Variants in ZNF423 observed in about 807,000 individuals in gnomAD.
ZNF423 encodes Ebf-associated zinc finger protein.
In ZNF423, 12 loss-of-function variants were observed where a neutral mutation model predicts 95.8. The observed-to-expected ratio is 0.13, with a 90% confidence interval of 0.08 to 0.20. The LOEUF is 0.20. Ranked by LOEUF, ZNF423 falls within the 10% of genes least tolerant of loss-of-function variation. The pLI, the probability that ZNF423 is intolerant of heterozygous loss-of-function variation, is 1.00. For synonymous variants in ZNF423, 749 were observed against 711.9 expected, an observed-to-expected ratio of 1.05 and a Z score of -0.83; for missense variants, 1,316 against 1,737.1, an observed-to-expected ratio of 0.76 and a Z score of 4.31.
At chr16:49,685,575 C>T (rs780238890) in intron 3 of ZNF423, among the ~76,000 whole-genome samples, 1 of 152,166 alleles carries the variant, frequency 6.6e-6, no homozygotes, top group Non-Finnish European at 1.5e-5. Context: ...CTGTTCACCT[C>T]GATGCCCAAG....
intron 2 of ZNF423, among the ~76,000 whole-genome samples, chr16:49,786,478 A>G (rs2034316643): frequency 6.6e-6 from 1 of 152,226 alleles, no homozygotes; most frequent in Admixed American, 6.5e-5. Flanking sequence ...GGGCTGCTCC[A>G]TGCCTTACAG....
At chr16:49,856,875 G>C (rs957290129), upstream of ZNF423, among the ~76,000 whole-genome samples, 1 of 147,312 alleles carries the variant, frequency 6.8e-6, no homozygotes, top group Admixed American at 6.7e-5. Context: ...GGCTCGGAGA[G>C]GGGGGAGGCG....
At chr16:49,651,230 T>G (rs867659821) in intron 3 of ZNF423, among the ~76,000 whole-genome samples, 2 of 151,380 alleles carry the variant, frequency 1.3e-5, no homozygotes, top group Middle Eastern at 6.8e-3. Context: ...CTCTCTATGT[T>G]GCACAGGCTG....
intron 5 of ZNF423, among the ~76,000 whole-genome samples, chr16:49,579,737 T>G (rs1597131326): frequency 6.6e-6 from 1 of 152,020 alleles, no homozygotes. Context: ...CCATAAAGGG[T>G]TCCAAACAGT....
chr16:49,658,904 A>G (rs1344048768), intron 3 of ZNF423, among the ~76,000 whole-genome samples: 1 of 151,638 alleles, frequency 6.6e-6, no homozygotes, highest in Non-Finnish European at 1.5e-5. Context: ...AGTGGCCACC[A>G]CCTCCTCCCA....
intron 1 of ZNF423, among the ~76,000 whole-genome samples, chr16:49,844,629 CTCA>C (rs1359987041): frequency 2.6e-5 from 4 of 152,228 alleles, no homozygotes; most frequent in Non-Finnish European, 5.9e-5. Context: ...AATCCATTTA[CTCA>C]TCGAGTCATT....
chr16:49,611,860 A>C (rs753682209), intron 5 of ZNF423, among the ~76,000 whole-genome samples: 4 of 151,978 alleles, frequency 2.6e-5, no homozygotes, highest in African/African-American at 9.7e-5. Context: ...ACTATGAAAA[A>C]CTCTACATAC....
intron 2 of ZNF423, among the ~76,000 whole-genome samples, chr16:49,783,313 G>C (rs1462073869): frequency 6.6e-6 from 1 of 151,284 alleles, no homozygotes; most frequent in Non-Finnish European, 1.5e-5. Flanking sequence ...AGGCTGGGAT[G>C]GGCAGGAAAG....
intron 5 of ZNF423, among the ~76,000 whole-genome samples, chr16:49,620,308 A>C (rs1972025836): frequency 6.6e-6 from 1 of 152,130 alleles, no homozygotes; most frequent in South Asian, 2.1e-4. Flanking sequence ...CCACAGTGAC[A>C]GGGGAGGGCT....
chr16:49,781,155 G>A (rs1396301635), intron 2 of ZNF423, among the ~76,000 whole-genome samples: 1 of 152,202 alleles, frequency 6.6e-6, no homozygotes, highest in Admixed American at 6.5e-5. Context: ...AGTCTCTCCA[G>A]CCTTGATTTG....
intron 5 of ZNF423, among the ~76,000 whole-genome samples, chr16:49,572,345 G>A (rs1046371952): frequency 2.0e-5 from 3 of 152,206 alleles, no homozygotes; most frequent in African/African-American, 7.2e-5. Flanking sequence ...AGAGTGGGAA[G>A]GATTTTAACT....
chr16:49,596,421 T>G (rs1971180212), intron 5 of ZNF423, among the ~76,000 whole-genome samples: 1 of 152,206 alleles, frequency 6.6e-6, no homozygotes, highest in Non-Finnish European at 1.5e-5. Context: ...AGAGAATGTA[T>G]TTCCTCTCGA....
chr16:49,561,872 T>C (rs552131160), intron 5 of ZNF423, among the ~76,000 whole-genome samples: 1 of 152,342 alleles, frequency 6.6e-6, no homozygotes, highest in Non-Finnish European at 1.5e-5. Context: ...CCCTGCTCAC[T>C]GAGCCTTTGG....
At chr16:49,814,128 G>A (rs983459334) in intron 1 of ZNF423, among the ~76,000 whole-genome samples, 1 of 151,000 alleles carries the variant, frequency 6.6e-6, no homozygotes, top group Non-Finnish European at 1.5e-5. Flanking sequence ...CAGGCCCTGA[G>A]GAGCCGGGGC....
chr16:49,672,635 G>T (rs1410888213), intron 3 of ZNF423, among the ~76,000 whole-genome samples: 1 of 152,152 alleles, frequency 6.6e-6, no homozygotes, highest in East Asian at 1.9e-4. Flanking sequence ...TGGCCAACAT[G>T]GCGAAACCTG....
At position 49,709,183 on chromosome 16, in the gene ZNF423, T is replaced by TATATATATATATATATATATATATAA. The variant is rs58833331; in HGVS notation, c.301+21587_301+21588insTTATATATATATATATATATATATAT. 8.5e-4 allele frequency among the ~76,000 whole-genome samples: 123 copies of TATATATATATATATATATATATATAA among 145,344 alleles called. 1 individual carries two copies. The highest frequency in any genetic ancestry group is 3.1e-3 in the African/African-American group (118 of 38,048). On this transcript the variant is annotated intron_variant, in intron 3 of 7. Coordinates refer to ENST00000563137, the MANE Select transcript of ZNF423 (RefSeq NM_001379286.1). ...CAGCAGCCGTTTATATATATATATA[T>TATATATATATATATATATATATATAA]GAAAACGGAGCTTCGGAGCCCTGGG... is the stretch of plus-strand genomic sequence containing the variant.
At chr16:49,838,963 G>A (rs890302374) in intron 1 of ZNF423, among the ~76,000 whole-genome samples, 2 of 151,826 alleles carry the variant, frequency 1.3e-5, no homozygotes, top group Admixed American at 1.3e-4. Context: ...GAGGGGCTGC[G>A]TTCCCAAGCG....
chr16:49,699,871 G>A (rs2032109178), intron 3 of ZNF423, among the ~76,000 whole-genome samples: 2 of 152,160 alleles, frequency 1.3e-5, no homozygotes, highest in South Asian at 2.1e-4. Context: ...CTGAGGCCAA[G>A]TGAGGGCCAA....
At chr16:49,801,310 ATGTTTCCTC>A (rs2034579773) in intron 1 of ZNF423, among the ~76,000 whole-genome samples, 1 of 152,182 alleles carries the variant, frequency 6.6e-6, no homozygotes, top group African/African-American at 2.4e-5. Flanking sequence ...GCTTTTACAG[ATGTTTCCTC>A]AGCTCCTGCC....
Sources: allele counts gnomAD v4.1 joint callset (sites outside exome capture counted in the v4.1 genomes callset), GRCh38; gene constraint gnomAD v4.1.1; transcripts MANE v1.5; gene names NCBI Gene and HGNC (gene_info 2026-07-23, HGNC 2026-07-21).